NRCAM: variants seen among roughly 807,000 people sequenced by gnomAD.
NRCAM encodes neuronal cell adhesion molecule, also known as NgCAM-related cell adhesion molecule.
A neutral mutation model predicts 156.5 loss-of-function variants in NRCAM; 83 were observed. That is an observed-to-expected ratio of 0.53 (90% CI 0.44 to 0.64). NRCAM has a LOEUF of 0.64. Ranked by LOEUF, NRCAM falls within the 30% of genes least tolerant of loss-of-function variation. The pLI is 0.00. For missense variants in NRCAM, 1,417 were observed against 1,597.3 expected (o/e 0.89, Z 1.92); for synonymous variants, 538 against 563.9 (o/e 0.95, Z 0.65).
At chr7:108,255,709 T>C (rs571839180) in intron 3 of NRCAM, among the ~76,000 whole-genome samples, 186 of 148,634 alleles carry the variant, frequency 1.3e-3, no homozygotes, top group Middle Eastern at 3.5e-3. Context: ...CTGCCCCATC[T>C]GGGATGTGAG....
chr7:108,401,196 C>T (rs1397706893), intron 1 of NRCAM, among the ~76,000 whole-genome samples: 2 of 151,940 alleles, frequency 1.3e-5, no homozygotes, highest in Non-Finnish European at 2.9e-5. Context: ...GCCGAGATGG[C>T]GCCACTGCAC....
intron 2 of NRCAM, among the ~76,000 whole-genome samples, chr7:108,391,714 G>A (rs890756481): frequency 3.3e-5 from 5 of 152,256 alleles, no homozygotes; most frequent in East Asian, 1.9e-4. Flanking sequence ...GGCTGGTGCC[G>A]GTTATTCCTT....
At chr7:108,426,322 T>A (rs1235288666) in intron 1 of NRCAM, among the ~76,000 whole-genome samples, 2 of 152,258 alleles carry the variant, frequency 1.3e-5, no homozygotes, top group African/African-American at 4.8e-5. Flanking sequence ...ACCTTCTTCA[T>A]TACTGTGCTC....
chr7:108,198,722 C>G (rs958779159), intron 13 of NRCAM, among the ~76,000 whole-genome samples: 4 of 152,184 alleles, frequency 2.6e-5, no homozygotes, highest in Admixed American at 2.6e-4. Flanking sequence ...TACATAAACA[C>G]TACGGGGCTA....
chr7:108,321,030 C>T (rs911586566), intron 2 of NRCAM, among the ~76,000 whole-genome samples: 2 of 152,192 alleles, frequency 1.3e-5, no homozygotes, highest in Admixed American at 6.5e-5. Context: ...GTCCCCTGAA[C>T]AACACAGTAC....
At chr7:108,450,153 T>C (rs1433540719) in intron 1 of NRCAM, among the ~76,000 whole-genome samples, 1 of 151,992 alleles carries the variant, frequency 6.6e-6, no homozygotes, top group African/African-American at 2.4e-5. Flanking sequence ...GAGCACATAA[T>C]ACAAGTAAGA....
At chr7:108,320,277 C>A (rs1182550565) in intron 2 of NRCAM, among the ~76,000 whole-genome samples, 1 of 151,916 alleles carries the variant, frequency 6.6e-6, no homozygotes, top group Non-Finnish European at 1.5e-5. Context: ...CACAGGGAGA[C>A]CCTGTCTCTG....
intron 2 of NRCAM, among the ~76,000 whole-genome samples, chr7:108,346,757 A>C (rs572494358): frequency 6.6e-6 from 1 of 152,284 alleles, no homozygotes; most frequent in Non-Finnish European, 1.5e-5. Context: ...TCCAGTAATC[A>C]CTAACCACAG....
intron 2 of NRCAM, among the ~76,000 whole-genome samples, chr7:108,357,495 T>C (rs995672479): frequency 9.2e-5 from 14 of 151,932 alleles, no homozygotes; most frequent in Admixed American, 5.9e-4. Flanking sequence ...CACGACTGGC[T>C]CATTTTTGTA....
chr7:108,286,508 G>A (rs1370959901), intron 3 of NRCAM, among the ~76,000 whole-genome samples: 2 of 152,076 alleles, frequency 1.3e-5, no homozygotes, highest in South Asian at 4.1e-4. Context: ...TGGAAGAAAA[G>A]GAATAGGAGA....
At chr7:108,257,784 T>C (rs766837138) in intron 3 of NRCAM, among the ~76,000 whole-genome samples, 1 of 152,166 alleles carries the variant, frequency 6.6e-6, no homozygotes, top group Non-Finnish European at 1.5e-5. Context: ...ATAACCTTGA[T>C]TTCAAATCAA....
intron 2 of NRCAM, among the ~76,000 whole-genome samples, chr7:108,323,599 A>T (rs2099028317): frequency 6.6e-6 from 1 of 152,210 alleles, no homozygotes; most frequent in South Asian, 2.1e-4. Context: ...TTATTTGGCA[A>T]ATAGTTTCTG....
intron 1 of NRCAM, among the ~76,000 whole-genome samples, chr7:108,455,661 C>T (rs1274678260): frequency 3.9e-5 from 6 of 152,226 alleles, no homozygotes. Flanking sequence ...CGGCCTCGCC[C>T]CCGAACTCCG....
At chr7:108,342,590 T>C (rs566522676) in intron 2 of NRCAM, among the ~76,000 whole-genome samples, 2 of 152,348 alleles carry the variant, frequency 1.3e-5, no homozygotes, top group South Asian at 4.1e-4. Context: ...CCAGTGTTAA[T>C]AAGCTTGCCA....
intron 1 of NRCAM, among the ~76,000 whole-genome samples, chr7:108,430,129 T>C (rs1597723329): frequency 6.6e-6 from 1 of 152,072 alleles, no homozygotes; most frequent in East Asian, 1.9e-4. Context: ...GCAGCAGGGG[T>C]CATGTCCAGT....
intron 3 of NRCAM, among the ~76,000 whole-genome samples, chr7:108,242,637 T>C (rs868592151): frequency 2.0e-5 from 3 of 152,182 alleles, no homozygotes; most frequent in African/African-American, 7.2e-5. Context: ...TTACATATTA[T>C]ACATATTGAG....
chr7:108,193,224 C>G (rs1282098076), intron 17 of NRCAM, among the ~76,000 whole-genome samples: 2 of 152,094 alleles, frequency 1.3e-5, no homozygotes, highest in African/African-American at 4.8e-5. Context: ...TTGACTAGTT[C>G]AAGCATAAAA....
intron 2 of NRCAM, among the ~76,000 whole-genome samples, chr7:108,389,532 C>T (rs752628976): frequency 7.2e-5 from 11 of 152,164 alleles, no homozygotes; most frequent in South Asian, 2.1e-4. Flanking sequence ...CTTTTCCTAA[C>T]TGAATACCCT....
At chr7:108,396,531 C>G (rs940019576) in intron 2 of NRCAM, among the ~76,000 whole-genome samples, 1 of 152,198 alleles carries the variant, frequency 6.6e-6, no homozygotes, top group African/African-American at 2.4e-5. Context: ...TTCTGGATGA[C>G]TGTAATTAAC....
Sources: allele counts gnomAD v4.1 joint callset (sites outside exome capture counted in the v4.1 genomes callset), GRCh38; gene constraint gnomAD v4.1.1; transcripts MANE v1.5; gene names NCBI Gene and HGNC (gene_info 2026-07-23, HGNC 2026-07-21).